The following WHRN variants were observed in gnomAD, a reference collection of about 807,000 sequenced individuals.
WHRN encodes whirlin.
WHRN carries 41 observed loss-of-function variants against 68.3 expected under a neutral mutation model. The observed-to-expected ratio is 0.60, with a 90% CI of 0.47 to 0.78. The LOEUF (loss-of-function observed/expected upper bound fraction) is 0.78, where lower values mean the gene tolerates loss of function less well. Among genes scored for constraint, WHRN ranks in the 30% least tolerant of loss-of-function variants. The probability of loss-of-function intolerance (pLI) is 0.00; values close to 1 mark genes in which losing one functional copy is unlikely to be tolerated. For synonymous variants in WHRN, 560 were observed against 561.3 expected (o/e 1.00, Z 0.03); for missense variants, 1,243 against 1,244.7 (o/e 1.00, Z 0.02).
intron 6 of WHRN, 78 bp from the exon 7 acceptor site, chr9:114,423,601 G>T: frequency 1.4e-6 from 2 of 1,414,318 alleles, no homozygotes; most frequent in Non-Finnish European, 9.7e-7. Context: ...ACCCCCAAAG[G>T]ACTGGCATGC....
At chr9:114,443,983 G>A (rs6478083) in intron 3 of WHRN, among the ~76,000 whole-genome samples, 148,028 of 152,272 alleles carry the variant, frequency 0.97, 72,075 homozygotes, top group East Asian at 1. Context: ...TAAAATCATG[G>A]GCACTCATGA....
intron 4 of WHRN, chr9:114,425,349 C>T: frequency 1.7e-6 from 1 of 603,900 alleles, no homozygotes; most frequent in South Asian, 2.0e-5. Flanking sequence ...CAGGCAACCT[C>T]AGGGTCAGGC....
Position 114,402,592 on chromosome 9 carries a change from C to T in WHRN, c.*162G>A. Reference sequence around the variant, plus strand: ...TCTGTCTGCCTTGTCCTGCTCTCTTCCTCTCCCAGTTCTGGTCCAGTGGGC... The same window carrying T: ...TCTGTCTGCCTTGTCCTGCTCTCTTTCTCTCCCAGTTCTGGTCCAGTGGGC... On this transcript the variant is annotated 3_prime_UTR_variant, in exon 12 of 12. Coordinates refer to ENST00000362057, the MANE Select transcript of WHRN (RefSeq NM_015404.4). 1 of 893,562 alleles carries T rather than the reference C, an allele frequency of 1.1e-6. No individual in the cohort carries two copies. Among genetic ancestry groups the T allele is most frequent in the Non-Finnish European group, 1.8e-6 (1 of 555,364 alleles). 55.4% of individuals were successfully genotyped at this position (893,562 alleles called of 1,614,324 possible).
intron 1 of WHRN, among the ~76,000 whole-genome samples, chr9:114,496,191 G>A (rs368573994): frequency 1.3e-5 from 2 of 152,112 alleles, no homozygotes; most frequent in Non-Finnish European, 2.9e-5. Flanking sequence ...GCTGGGAAAC[G>A]AAGTTATGGA....
intron 2 of WHRN, among the ~76,000 whole-genome samples, chr9:114,468,720 A>C (rs1840934517): frequency 6.6e-6 from 1 of 152,020 alleles, no homozygotes; most frequent in Non-Finnish European, 1.5e-5. Flanking sequence ...GGAAGCAAGC[A>C]GGAGACCCAC....
chr9:114,457,874 C>T (rs1029483961), intron 3 of WHRN, among the ~76,000 whole-genome samples: 1 of 150,212 alleles, frequency 6.7e-6, no homozygotes, highest in Non-Finnish European at 1.5e-5. Context: ...CAAGATGGTG[C>T]CGCTGCACTC....
At chr9:114,410,936 C>T (rs750928363) in intron 7 of WHRN, among the ~76,000 whole-genome samples, 4 of 152,196 alleles carry the variant, frequency 2.6e-5, no homozygotes, top group African/African-American at 4.8e-5. Context: ...GAGCTCACAC[C>T]CAGTTCTGCC....
In WHRN at chr9:114,504,487, G is replaced by A. The variant is rs1844223004; in HGVS notation, c.315C>T (p.Leu105=). The A allele has an allele frequency of 1.2e-6, 2 of 1,608,744 alleles. No homozygotes were observed. The highest frequency in any genetic ancestry group is 1.7e-6 in the Non-Finnish European group (2 of 1,179,804). ...RLVIPRSDQL[L]FDQYTAEGLY... is the part of the protein sequence containing the mutation. The stretch of plus-strand genomic sequence containing the variant: ...GGCCCTCGGCCGTGTATTGGTCGAA[G>A]AGCAGCTGGTCGGAGCGCGGGATGA... Residue 105 remains leucine (L), a synonymous_variant, in exon 1 of 12, where the codon CTC becomes CTT. Transcript: ENST00000362057.
At chr9:114,464,715 T>A (rs559691836) in intron 3 of WHRN, among the ~76,000 whole-genome samples, 4 of 152,246 alleles carry the variant, frequency 2.6e-5, no homozygotes, top group Non-Finnish European at 5.9e-5. Flanking sequence ...ATTATTATTA[T>A]ATAGTAAAGG....
intron 1 of WHRN, among the ~76,000 whole-genome samples, chr9:114,490,415 G>T (rs7873098): frequency 2.0e-5 from 3 of 152,230 alleles, no homozygotes; most frequent in Non-Finnish European, 4.4e-5. Context: ...GTTTTCTTTA[G>T]TGCTATTTAG....
At position 114,427,641 on chromosome 9, in the gene WHRN, T is replaced by C. The variant is rs868695770; in HGVS notation, c.964-1228A>G. ...AATGGGAGCTTGGGAGAAAAGAAGA[T>C]GGGATTACCAGGCTGAGAACCAAAA... On this transcript the variant is annotated intron_variant, in intron 3 of 11. Transcript: ENST00000362057. Among the ~76,000 whole-genome samples the C allele has an allele frequency of 5.3e-5, 8 of 152,294 alleles. No individual in the cohort carries two copies. In the South Asian group the frequency reaches 1.7e-3, roughly 32 times the overall value.
chr9:114,422,938 T>C (rs943190210), intron 7 of WHRN, among the ~76,000 whole-genome samples: 1 of 152,056 alleles, frequency 6.6e-6, no homozygotes, highest in Admixed American at 6.5e-5. Flanking sequence ...CCCACTACCA[T>C]CTACTGAGTG....
chr9:114,486,893 T>TGTGTAGA (rs1564216833), intron 1 of WHRN, among the ~76,000 whole-genome samples: 4 of 54,188 alleles, frequency 7.4e-5, no homozygotes, highest in African/African-American at 1.9e-4. Flanking sequence ...TTAGTGTGTG[T>TGTGTAGA]GTGTGTGTGT....
intron 3 of WHRN, among the ~76,000 whole-genome samples, chr9:114,462,648 G>A (rs552521189): frequency 4.6e-5 from 7 of 152,302 alleles, no homozygotes; most frequent in South Asian, 2.1e-4. Flanking sequence ...ACTGACAGGC[G>A]CTATACCATA....
At position 114,504,811 on chromosome 9, in the gene WHRN, G is replaced by T; in HGVS notation, c.-10C>A. ...CCAGCGGCGCGTTCATCTCCACGCCGAGGCCCGGCCGGGCTCTGAGCGCGC... is the reference window on the plus strand; with the variant it reads ...CCAGCGGCGCGTTCATCTCCACGCCTAGGCCCGGCCGGGCTCTGAGCGCGC... On this transcript the variant is annotated 5_prime_UTR_variant, in exon 1 of 12. Transcript: ENST00000362057. 1 of 1,408,726 alleles carries T rather than the reference G, an allele frequency of 7.1e-7. No individual in the cohort carries two copies. Among genetic ancestry groups the T allele is most frequent in the Non-Finnish European group, 9.1e-7 (1 of 1,094,964 alleles). 87.3% of individuals were successfully genotyped at this position (1,408,726 alleles called of 1,614,324 possible).
At chr9:114,424,733 A>G (rs142162275) in intron 5 of WHRN, among the ~76,000 whole-genome samples, 187 bp from the exon 6 acceptor site, 1 of 152,250 alleles carries the variant, frequency 6.6e-6, no homozygotes, top group African/African-American at 2.4e-5. Flanking sequence ...TTGTCTTTAC[A>G]TCTCCTTCAC....
chr9:114,490,960 A>T (rs1842924134), intron 1 of WHRN, among the ~76,000 whole-genome samples: 1 of 152,152 alleles, frequency 6.6e-6, no homozygotes, highest in South Asian at 2.1e-4. Flanking sequence ...ATTTAAGTAA[A>T]TTGCTTTATA....
At chr9:114,471,074 G>A (rs1312633688) in intron 2 of WHRN, among the ~76,000 whole-genome samples, 1 of 152,094 alleles carries the variant, frequency 6.6e-6, no homozygotes, top group Non-Finnish European at 1.5e-5. Context: ...TCAAGCACAG[G>A]GTAATCTGCC....
chr9:114,504,597 G>T lies in WHRN; in HGVS notation c.205C>A (p.Arg69Ser), dbSNP rs1271713534. The T allele has an allele frequency of 6.2e-7, 1 of 1,611,338 alleles. No homozygotes were observed. The highest frequency in any genetic ancestry group is 1.1e-5 in the South Asian group (1 of 91,026). Residue 69 changes from arginine (R) to serine (S), a missense_variant, in exon 1 of 12, where the codon CGC becomes AGC. Physicochemically the swap from Arg to Ser is moderately radical, Grantham distance 110. Coordinates refer to ENST00000362057, the MANE Select transcript of WHRN (RefSeq NM_015404.4). ...GTGCGCACCAGGTCGAAGACGTTGC[G>T]GCGCGCGTGGTAAGCGTTCAGGCAG... ...THCLNAYHAR[R>S]NVFDLVRTLR...
Sources: gnomAD v4.1 joint callset for allele counts (sites outside exome capture counted in the v4.1 genomes callset) on GRCh38, gnomAD v4.1.1 for gene constraint, MANE v1.5 for transcripts, NCBI Gene and HGNC (gene_info 2026-07-23, HGNC 2026-07-21) for gene names.